The following NXPE2 variants were observed in gnomAD, a reference collection of about 807,000 sequenced individuals.
The protein encoded by NXPE2 is neurexophilin and PC-esterase domain family member 2, also known as NXPE family member 2.
NXPE2 carries 34 observed loss-of-function variants against 34.4 expected under a neutral mutation model. That is an observed-to-expected ratio of 0.99 (90% CI 0.75 to 1.31). The LOEUF (loss-of-function observed/expected upper bound fraction) is 1.31, where lower values mean the gene tolerates loss of function less well. Ranked by LOEUF, NXPE2 falls within the 40% of genes most tolerant of loss-of-function variation. The probability of loss-of-function intolerance (pLI) is 0.00; values close to 1 mark genes in which losing one functional copy is unlikely to be tolerated. For missense variants in NXPE2, 649 were observed against 672.5 expected (o/e 0.97, Z 0.39); for synonymous variants, 235 against 231.3 (o/e 1.02, Z -0.15).
At chr11:114,537,506 T>A in the NXPE2 span, among the ~76,000 whole-genome samples, 1 of 152,188 alleles carries the variant, frequency 6.6e-6, no homozygotes, top group Non-Finnish European at 1.5e-5. Flanking sequence ...TGTTTGCAGA[T>A]GACATGATTG....
At chr11:114,655,812 A>AGCGAT in the NXPE2 span, among the ~76,000 whole-genome samples, 1 of 152,178 alleles carries the variant, frequency 6.6e-6, no homozygotes, top group African/African-American at 2.4e-5. Flanking sequence ...AAATCATAAG[A>AGCGAT]GCGATTTATG....
At chr11:114,789,958 C>G in the NXPE2 span, among the ~76,000 whole-genome samples, 3 of 152,184 alleles carry the variant, frequency 2.0e-5, no homozygotes. Flanking sequence ...TGCTGATGGA[C>G]GAATTCAGAG....
chr11:114,714,670 C>T, the NXPE2 span, among the ~76,000 whole-genome samples: 7 of 152,046 alleles, frequency 4.6e-5, no homozygotes, highest in Admixed American at 4.6e-4. Flanking sequence ...GTTGTATGAT[C>T]CTTGTGATTT....
the NXPE2 span, among the ~76,000 whole-genome samples, chr11:114,729,492 T>C: frequency 6.6e-6 from 1 of 152,166 alleles, no homozygotes; most frequent in Non-Finnish European, 1.5e-5. Flanking sequence ...ACAAACTGCT[T>C]TCCACAGTGG....
chr11:114,579,752 G>T, the NXPE2 span, among the ~76,000 whole-genome samples: 1 of 152,216 alleles, frequency 6.6e-6, no homozygotes, highest in Admixed American at 6.5e-5. Flanking sequence ...AGGAGGTAGA[G>T]AAGTCAGGTT....
At chr11:114,811,347 A>T in the NXPE2 span, among the ~76,000 whole-genome samples, 8 of 4,668 alleles carry the variant, frequency 1.7e-3, no homozygotes, top group Admixed American at 5.6e-3. Context: ...ATAATAAAAT[A>T]AAAAAAATGC....
At chr11:114,640,259 A>G in the NXPE2 span, among the ~76,000 whole-genome samples, 6 of 142,478 alleles carry the variant, frequency 4.2e-5, no homozygotes, top group Admixed American at 4.4e-4. Flanking sequence ...TATAAAATAT[A>G]TAGTATATAA....
At chr11:114,583,830 C>T in the NXPE2 span, 1 of 407,396 alleles carries the variant, frequency 2.5e-6, no homozygotes, top group Non-Finnish European at 4.8e-6. Flanking sequence ...ACAGGCTAGG[C>T]CAGGACTGTG....
intron 2 of NXPE2, among the ~76,000 whole-genome samples, chr11:114,684,549 T>C (rs908385323): frequency 6.6e-6 from 1 of 152,140 alleles, no homozygotes; most frequent in African/African-American, 2.4e-5. Flanking sequence ...AAGTTGCTAG[T>C]GATATAATCC....
intron 2 of NXPE2, among the ~76,000 whole-genome samples, chr11:114,692,889 C>A (rs1034482339): frequency 6.6e-6 from 1 of 152,060 alleles, no homozygotes; most frequent in African/African-American, 2.4e-5. Flanking sequence ...CTCACCGCAA[C>A]AACTATCTAC....
chr11:114,777,824 G>C, the NXPE2 span, among the ~76,000 whole-genome samples: 1 of 152,174 alleles, frequency 6.6e-6, no homozygotes, highest in African/African-American at 2.4e-5. Context: ...TGTGAAATGG[G>C]TTTAATAAGA....
At chr11:114,576,057 G>A in the NXPE2 span, among the ~76,000 whole-genome samples, 1 of 152,060 alleles carries the variant, frequency 6.6e-6, no homozygotes, top group African/African-American at 2.4e-5. Flanking sequence ...AATACTTACA[G>A]CCAACTGATC....
chr11:114,517,118 A>G, the NXPE2 span, among the ~76,000 whole-genome samples: 1 of 152,360 alleles, frequency 6.6e-6, no homozygotes, highest in East Asian at 1.9e-4. Context: ...TTCTCAGACC[A>G]GAACCTTGTT....
At chr11:114,478,921 G>A in the NXPE2 span, among the ~76,000 whole-genome samples, 5 of 152,116 alleles carry the variant, frequency 3.3e-5, no homozygotes, top group African/African-American at 1.2e-4. Context: ...TTTATGTTCC[G>A]GCAGGGAATG....
chr11:114,686,486 T>C (rs189143785), intron 2 of NXPE2, among the ~76,000 whole-genome samples: 13 of 152,292 alleles, frequency 8.5e-5, no homozygotes, highest in Non-Finnish European at 1.6e-4. Context: ...CCATGGTGTA[T>C]ATGTACCATA....
chr11:114,613,153 CTG>C, the NXPE2 span, among the ~76,000 whole-genome samples: 2 of 151,546 alleles, frequency 1.3e-5, no homozygotes, highest in Non-Finnish European at 1.5e-5. Context: ...TAGATAACGA[CTG>C]TTACCCGATG....
chr11:114,657,518 T>C, the NXPE2 span, among the ~76,000 whole-genome samples: 1 of 152,176 alleles, frequency 6.6e-6, no homozygotes. Context: ...CCACTTACTC[T>C]TACCACTACT....
intron 3 of NXPE2, among the ~76,000 whole-genome samples, chr11:114,701,673 AC>A (rs1951367656): frequency 6.6e-6 from 1 of 152,126 alleles, no homozygotes; most frequent in South Asian, 2.1e-4. Flanking sequence ...CCCTTCCTAG[AC>A]CCAAGCCCAA....
the NXPE2 span, among the ~76,000 whole-genome samples, chr11:114,762,652 C>T: frequency 2.6e-5 from 4 of 152,188 alleles, no homozygotes; most frequent in Admixed American, 6.5e-5. Context: ...GAGGCTTCTC[C>T]CTGCTGGCAC....
Sources: gnomAD v4.1 joint callset for allele counts (sites outside exome capture counted in the v4.1 genomes callset) on GRCh38, gnomAD v4.1.1 for gene constraint, MANE v1.5 for transcripts, NCBI Gene and HGNC (gene_info 2026-07-23, HGNC 2026-07-21) for gene names.